The following NKAIN3 variants were observed in gnomAD, a reference collection of about 807,000 sequenced individuals.
NKAIN3 encodes the protein sodium/potassium transporting ATPase interacting 3, also known as sodium/potassium-transporting ATPase subunit beta-1-interacting protein 3.
A neutral mutation model predicts 30.2 loss-of-function variants in NKAIN3; 25 were observed. The observed-to-expected ratio is 0.83, with a 90% CI of 0.60 to 1.16. The LOEUF is 1.16. Among genes scored for constraint, NKAIN3 ranks in the 50% most tolerant of loss-of-function variants. The pLI, the probability that NKAIN3 is intolerant of heterozygous loss-of-function variation, is 0.00. For synonymous variants in NKAIN3, 91 were observed against 89.6 expected (o/e 1.02, Z -0.09); for missense variants, 225 against 254.1 (o/e 0.89, Z 0.78).
chr8:62,284,267 C>T (rs573683753), intron 1 of NKAIN3, among the ~76,000 whole-genome samples: 8 of 152,062 alleles, frequency 5.3e-5, no homozygotes, highest in African/African-American at 1.2e-4. Flanking sequence ...CTGGGACTTA[C>T]GGGGAGACAG....
At chr8:62,802,774 T>C (rs1354504110) in intron 4 of NKAIN3, among the ~76,000 whole-genome samples, 1 of 152,144 alleles carries the variant, frequency 6.6e-6, no homozygotes, top group Admixed American at 6.5e-5. Context: ...ATATTAACTT[T>C]AAATGTAAAT....
Position 62,966,110 on chromosome 8 carries a change from G to C in NKAIN3, c.*703G>C. ...CCCCTTTCCCCTTTGGAGGGAATAT[G>C]GGTGTCTCTGAGGTCCATATTTTCT... On this transcript the variant is annotated 3_prime_UTR_variant, in exon 7 of 7. Coordinates refer to ENST00000623646, the MANE Select transcript of NKAIN3 (RefSeq NM_001304533.3). 1.0e-6 allele frequency: 1 copy of C among 984,906 alleles called. No homozygotes were observed. The highest frequency in any genetic ancestry group is 1.2e-6 in the Non-Finnish European group (1 of 829,508). 61.0% of individuals were successfully genotyped at this position (984,906 alleles called of 1,614,324 possible). A position where few individuals can be genotyped will look rare whatever the true frequency, so the allele number is the denominator to read the frequency against.
chr8:62,918,939 T>C (rs945915804), intron 5 of NKAIN3, among the ~76,000 whole-genome samples: 1 of 148,860 alleles, frequency 6.7e-6, no homozygotes, highest in Non-Finnish European at 1.5e-5. Flanking sequence ...ATATAAACCA[T>C]ATAAAATGCA....
chr8:62,374,793 CTG>C (rs1413368667), intron 1 of NKAIN3, among the ~76,000 whole-genome samples: 6 of 152,168 alleles, frequency 3.9e-5, no homozygotes, highest in Non-Finnish European at 7.3e-5. Context: ...AAACTTTAGT[CTG>C]TAATGTTATA....
chr8:62,322,344 C>T (rs1814957714), intron 1 of NKAIN3, among the ~76,000 whole-genome samples: 1 of 152,134 alleles, frequency 6.6e-6, no homozygotes, highest in Non-Finnish European at 1.5e-5. Context: ...CCTGCACCCA[C>T]TTTCCAACAC....
intron 5 of NKAIN3, chr8:62,990,023 G>T: frequency 3.8e-6 from 2 of 519,926 alleles, no homozygotes; most frequent in South Asian, 5.8e-5. Flanking sequence ...TCTTGTATCT[G>T]CTCAATGAAT....
chr8:62,595,388 T>TC (rs1276404662), intron 3 of NKAIN3, among the ~76,000 whole-genome samples: 5 of 118,762 alleles, frequency 4.2e-5, no homozygotes, highest in Admixed American at 1.8e-4. Flanking sequence ...TTTTCTTTTT[T>TC]TTTTTTTTTT....
intron 1 of NKAIN3, among the ~76,000 whole-genome samples, chr8:62,308,507 A>G (rs1325605748): frequency 1.3e-5 from 2 of 150,674 alleles, no homozygotes; most frequent in South Asian, 2.1e-4. Flanking sequence ...TTAGAAGATT[A>G]TGTTACCAAA....
At chr8:62,936,916 T>C (rs1822803580) in intron 5 of NKAIN3, among the ~76,000 whole-genome samples, 1 of 152,134 alleles carries the variant, frequency 6.6e-6, no homozygotes, top group Admixed American at 6.5e-5. Flanking sequence ...AAGCTTAAAG[T>C]AAGAAATTCT....
intron 3 of NKAIN3, among the ~76,000 whole-genome samples, chr8:62,677,461 C>T (rs1813512923): frequency 6.6e-6 from 1 of 152,168 alleles, no homozygotes; most frequent in Admixed American, 6.5e-5. Flanking sequence ...TGGAAAAGGA[C>T]CCCATTGAGA....
At chr8:62,959,564 T>C (rs1378547953) in intron 6 of NKAIN3, among the ~76,000 whole-genome samples, 2 of 151,982 alleles carry the variant, frequency 1.3e-5, no homozygotes, top group Non-Finnish European at 2.9e-5. Context: ...TGGAGGCACC[T>C]AAAGAGGAAT....
At chr8:62,357,808 C>G (rs1436838897) in intron 1 of NKAIN3, among the ~76,000 whole-genome samples, 1 of 152,016 alleles carries the variant, frequency 6.6e-6, no homozygotes, top group Non-Finnish European at 1.5e-5. Context: ...GGATGTCCTC[C>G]AAAATTGAGG....
chr8:62,742,373 T>C (rs150835932), intron 3 of NKAIN3, among the ~76,000 whole-genome samples: 3,385 of 152,250 alleles, frequency 0.022, 126 homozygotes, highest in African/African-American at 0.077. Context: ...ACTTTAGTTT[T>C]TACTGGTAGA....
At chr8:62,353,024 A>G (rs1288574687) in intron 1 of NKAIN3, among the ~76,000 whole-genome samples, 1 of 152,210 alleles carries the variant, frequency 6.6e-6, no homozygotes, top group Non-Finnish European at 1.5e-5. Context: ...AAATCAAACC[A>G]ACAGTCTGCA....
At chr8:62,485,431 C>CA (rs1387494955) in intron 1 of NKAIN3, among the ~76,000 whole-genome samples, 1 of 152,076 alleles carries the variant, frequency 6.6e-6, no homozygotes, top group Non-Finnish European at 1.5e-5. Flanking sequence ...AAAAAACACC[C>CA]ATTTATTTGT....
At chr8:62,890,904 C>T (rs1322099763) in intron 4 of NKAIN3, among the ~76,000 whole-genome samples, 2 of 152,212 alleles carry the variant, frequency 1.3e-5, no homozygotes, top group Non-Finnish European at 2.9e-5. Flanking sequence ...TGTTAAATGG[C>T]TTTGTCCCTT....
chr8:62,549,531 C>T (rs1809123312), intron 1 of NKAIN3, among the ~76,000 whole-genome samples: 1 of 152,028 alleles, frequency 6.6e-6, no homozygotes, highest in Non-Finnish European at 1.5e-5. Flanking sequence ...TTAAATTTTG[C>T]ATTTTTACCT....
intron 1 of NKAIN3, among the ~76,000 whole-genome samples, chr8:62,475,629 A>G (rs992063428): frequency 5.3e-5 from 8 of 152,230 alleles, no homozygotes; most frequent in Admixed American, 1.3e-4. Flanking sequence ...TCCACCCTCA[A>G]CTGACTGAAC....
intron 5 of NKAIN3, among the ~76,000 whole-genome samples, chr8:62,922,711 C>T (rs1233521014): frequency 6.6e-6 from 1 of 151,644 alleles, no homozygotes; most frequent in African/African-American, 2.4e-5. Context: ...GCCTAATAAG[C>T]CATTAAGAAT....
Sources: gnomAD v4.1 joint callset for allele counts (sites outside exome capture counted in the v4.1 genomes callset) on GRCh38, gnomAD v4.1.1 for gene constraint, MANE v1.5 for transcripts, NCBI Gene and HGNC (gene_info 2026-07-23, HGNC 2026-07-21) for gene names.